PIK3C2G: variants seen among roughly 807,000 people sequenced by gnomAD.
PIK3C2G encodes phosphatidylinositol 3-kinase C2 domain-containing subunit gamma.
In PIK3C2G, 168 loss-of-function variants were observed where a neutral mutation model predicts 181.1. The ratio of observed to expected loss-of-function variants is 0.93; its 90% CI spans 0.82 to 1.05. The LOEUF (loss-of-function observed/expected upper bound fraction) is 1.05. Ranked by LOEUF, PIK3C2G falls within the 50% of genes least tolerant of loss-of-function variation. The pLI is 0.00. For synonymous variants in PIK3C2G, 573 were observed against 592.2 expected (o/e 0.97, Z 0.47); for missense variants, 1,869 against 1,732.8 (o/e 1.08, Z -1.40).
At chr12:18,552,489 C>A (rs1442105518) in intron 26 of PIK3C2G, among the ~76,000 whole-genome samples, 1 of 151,896 alleles carries the variant, frequency 6.6e-6, no homozygotes, top group Non-Finnish European at 1.5e-5. Flanking sequence ...ACAATTGATA[C>A]CTACAGAAAT....
At chr12:18,608,400 C>T (rs1427891435) in intron 30 of PIK3C2G, among the ~76,000 whole-genome samples, 4 of 152,020 alleles carry the variant, frequency 2.6e-5, no homozygotes, top group Non-Finnish European at 5.9e-5. Flanking sequence ...AGTTCATATC[C>T]TTTGTAGGGA....
At chr12:18,300,800 T>A (rs556438204) in intron 5 of PIK3C2G, among the ~76,000 whole-genome samples, 34 of 152,252 alleles carry the variant, frequency 2.2e-4, no homozygotes, top group African/African-American at 6.7e-4. Context: ...GTAAGTTTTA[T>A]ACTTTCATGT....
At chr12:18,444,293 A>G (rs976609267) in intron 18 of PIK3C2G, among the ~76,000 whole-genome samples, 1 of 152,042 alleles carries the variant, frequency 6.6e-6, no homozygotes, top group Admixed American at 6.6e-5. Flanking sequence ...AACAACTCCA[A>G]TCTTGAGAAT....
At chr12:18,316,160 T>C in intron 6 of PIK3C2G, among the ~76,000 whole-genome samples, 1 of 152,112 alleles carries the variant, frequency 6.6e-6, no homozygotes, top group Non-Finnish European at 1.5e-5. Flanking sequence ...AAGAGATTAT[T>C]TAAATCATCC....
At chr12:18,444,545 A>C (rs1424784267) in intron 18 of PIK3C2G, among the ~76,000 whole-genome samples, 7 of 152,124 alleles carry the variant, frequency 4.6e-5, no homozygotes, top group Non-Finnish European at 8.8e-5. Flanking sequence ...TTCAGTTTCC[A>C]TACTGTAGAA....
At chr12:18,416,251 A>AAAAAC (rs1555183415) in intron 16 of PIK3C2G, among the ~76,000 whole-genome samples, 2 of 151,462 alleles carry the variant, frequency 1.3e-5, no homozygotes, top group African/African-American at 4.9e-5. Context: ...TCTCAAAAAG[A>AAAAAC]AAAAGAAAAG....
intron 1 of PIK3C2G, among the ~76,000 whole-genome samples, chr12:18,263,758 T>C (rs1306773214): frequency 6.6e-6 from 1 of 152,174 alleles, no homozygotes; most frequent in Non-Finnish European, 1.5e-5. Context: ...TTTTCGTCTT[T>C]TAAATTTTAA....
upstream of PIK3C2G, among the ~76,000 whole-genome samples, chr12:18,244,727 C>T (rs1948021880): frequency 6.6e-6 from 1 of 152,042 alleles, no homozygotes; most frequent in Non-Finnish European, 1.5e-5. Flanking sequence ...AGGGAAGATC[C>T]AGTCTTGTCC....
chr12:18,358,441 C>G (rs546955874), intron 11 of PIK3C2G: 39 of 203,144 alleles, frequency 1.9e-4, no homozygotes, highest in African/African-American at 9.0e-4. Context: ...CTCACAGCAG[C>G]AGTGCTGACC....
At chr12:18,388,989 A>C (rs1317108827) in intron 14 of PIK3C2G, among the ~76,000 whole-genome samples, 1 of 152,176 alleles carries the variant, frequency 6.6e-6, no homozygotes, top group Non-Finnish European at 1.5e-5. Flanking sequence ...TTAGCCAGGA[A>C]TGTGAGAAAT....
chr12:18,698,300 C>G, the PIK3C2G span, among the ~76,000 whole-genome samples: 6 of 151,874 alleles, frequency 4.0e-5, no homozygotes, highest in Non-Finnish European at 8.8e-5. Context: ...CCATTCCATT[C>G]CATTCCATCC....
intron 19 of PIK3C2G, among the ~76,000 whole-genome samples, chr12:18,489,201 C>T (rs962980943): frequency 1.3e-5 from 2 of 151,956 alleles, no homozygotes; most frequent in Non-Finnish European, 2.9e-5. Context: ...CACTAGTTCC[C>T]TATACTGATA....
At chr12:18,624,200 C>T (rs548918746) in intron 31 of PIK3C2G, among the ~76,000 whole-genome samples, 6 of 151,692 alleles carry the variant, frequency 4.0e-5, no homozygotes, top group African/African-American at 1.4e-4. Flanking sequence ...TGCTGAGATA[C>T]ATTCTTTCCA....
At chr12:18,701,566 CTCCTAAAACAGAT>C in the PIK3C2G span, 1 of 1,613,826 alleles carries the variant, frequency 6.2e-7, no homozygotes, top group Non-Finnish European at 8.5e-7. Flanking sequence ...TCTTGATTGT[CTCCTAAAACAGAT>C]TCCAATACTT....
At chr12:18,591,145 G>A (rs1947055042) in intron 29 of PIK3C2G, among the ~76,000 whole-genome samples, 2 of 151,988 alleles carry the variant, frequency 1.3e-5, no homozygotes, top group Non-Finnish European at 1.5e-5. Flanking sequence ...CCTTGAATAT[G>A]AGTCCATTTC....
intron 1 of PIK3C2G, among the ~76,000 whole-genome samples, chr12:18,248,943 T>A (rs10840996): frequency 0.42 from 64,146 of 152,084 alleles, 14,156 homozygotes; most frequent in East Asian, 0.75. Flanking sequence ...TCTCTGACCC[T>A]GTAAGGTGCT....
At chr12:18,603,508 A>G (rs1947842376) in intron 30 of PIK3C2G, among the ~76,000 whole-genome samples, 1 of 152,134 alleles carries the variant, frequency 6.6e-6, no homozygotes, top group Non-Finnish European at 1.5e-5. Context: ...ATGCAAATAT[A>G]AGAAGCACTA....
chr12:18,319,955 G>C (rs1951033756), intron 6 of PIK3C2G: 1 of 152,122 alleles, frequency 6.6e-6, no homozygotes, highest in African/African-American at 2.4e-5. Flanking sequence ...TTCACAGCAT[G>C]TAGTCAAAAT....
chr12:18,268,303 G>A (rs1288646579), intron 1 of PIK3C2G, among the ~76,000 whole-genome samples: 1 of 151,956 alleles, frequency 6.6e-6, no homozygotes, highest in Non-Finnish European at 1.5e-5. Flanking sequence ...TAAAATATTT[G>A]CTTAATTTTT....
Sources: gnomAD v4.1 joint callset for allele counts (sites outside exome capture counted in the v4.1 genomes callset) on GRCh38, gnomAD v4.1.1 for gene constraint, MANE v1.5 for transcripts, NCBI Gene and HGNC (gene_info 2026-07-23, HGNC 2026-07-21) for gene names.